Variants in STK39 observed in about 807,000 individuals in gnomAD.
STK39 encodes the protein STE20/SPS1-related proline-alanine-rich protein kinase.
A neutral mutation model predicts 77.8 loss-of-function variants in STK39; 20 were observed. The observed-to-expected ratio is 0.26, with a 90% confidence interval of 0.18 to 0.37. The LOEUF is 0.37. Ranked by LOEUF, STK39 falls within the 10% of genes least tolerant of loss-of-function variation. The pLI is 1.00. For synonymous variants in STK39, 246 were observed against 234.1 expected (o/e 1.05, Z -0.47); for missense variants, 479 against 656.5 (o/e 0.73, Z 2.95).
At chr2:168,037,476 T>C (rs762107721) in intron 14 of STK39, among the ~76,000 whole-genome samples, 3 of 152,156 alleles carry the variant, frequency 2.0e-5, no homozygotes, top group Non-Finnish European at 4.4e-5. Context: ...TAATTAGAAA[T>C]CTGACAGTTA....
chr2:168,089,159 G>C (rs1389420099), intron 10 of STK39, among the ~76,000 whole-genome samples: 1 of 152,184 alleles, frequency 6.6e-6, no homozygotes, highest in East Asian at 1.9e-4. Flanking sequence ...TTTTGTGCCT[G>C]ATTTTTCCCT....
intron 10 of STK39, among the ~76,000 whole-genome samples, chr2:168,100,856 G>A (rs559108841): frequency 6.6e-6 from 1 of 152,036 alleles, no homozygotes; most frequent in African/African-American, 2.4e-5. Context: ...CCCATTACTG[G>A]GTATATACCC....
At chr2:168,063,317 T>A (rs1404438388) in intron 14 of STK39, among the ~76,000 whole-genome samples, 183 bp downstream of exon 14, 2 of 152,246 alleles carry the variant, frequency 1.3e-5, no homozygotes, top group Admixed American at 1.3e-4. Flanking sequence ...TTTCTTACTC[T>A]TCTTTAGCAA....
chr2:168,063,212 G>C (rs1685706977), intron 14 of STK39, among the ~76,000 whole-genome samples: 1 of 151,300 alleles, frequency 6.6e-6, no homozygotes, highest in Admixed American at 6.6e-5. Flanking sequence ...AAAAGAAAAA[G>C]GAAAAGAAAA....
chr2:168,139,149 T>A (rs1260384832), intron 7 of STK39, among the ~76,000 whole-genome samples: 2 of 151,962 alleles, frequency 1.3e-5, no homozygotes, highest in Non-Finnish European at 2.9e-5. Flanking sequence ...TGAAGAAAAG[T>A]CCTAGAGGAC....
At chr2:168,203,469 A>AG (rs374896453) in intron 1 of STK39, among the ~76,000 whole-genome samples, 3 of 152,056 alleles carry the variant, frequency 2.0e-5, no homozygotes, top group Non-Finnish European at 4.4e-5. Flanking sequence ...GAAAAAAAAA[A>AG]CAGGATCATT....
At chr2:168,145,813 T>C (rs899486394) in intron 5 of STK39, among the ~76,000 whole-genome samples, 1 of 152,188 alleles carries the variant, frequency 6.6e-6, no homozygotes, top group East Asian at 1.9e-4. Context: ...AGGCAGCTGC[T>C]GGAAGTATTT....
chr2:168,058,854 T>C (rs568658386), intron 14 of STK39, among the ~76,000 whole-genome samples: 34 of 152,374 alleles, frequency 2.2e-4, no homozygotes, highest in African/African-American at 7.5e-4. Flanking sequence ...CTGTTCTCTA[T>C]AAATCAATTG....
intron 16 of STK39, among the ~76,000 whole-genome samples, chr2:167,967,342 G>A (rs1162875481): frequency 6.6e-6 from 1 of 152,130 alleles, no homozygotes; most frequent in African/African-American, 2.4e-5. Flanking sequence ...TATGCACTGA[G>A]GCCCCCAGGG....
intron 10 of STK39, chr2:168,112,782 T>TAA (rs1422318650): frequency 4.7e-4 from 72 of 152,292 alleles, no homozygotes; most frequent in African/African-American, 1.6e-3. Flanking sequence ...TAGAAAATGA[T>TAA]ATTTATACAA....
At chr2:168,087,481 G>A (rs1686399467) in intron 10 of STK39, among the ~76,000 whole-genome samples, 3 of 152,160 alleles carry the variant, frequency 2.0e-5, no homozygotes. Context: ...AATCTGGGTG[G>A]GCCTGATTCA....
chr2:168,047,605 G>T (rs540144340), intron 14 of STK39, among the ~76,000 whole-genome samples: 1 of 152,304 alleles, frequency 6.6e-6, no homozygotes, highest in East Asian at 1.9e-4. Flanking sequence ...TGGTGGGCAT[G>T]CTGGTAAATT....
At chr2:168,213,468 A>T (rs966394555) in intron 1 of STK39, among the ~76,000 whole-genome samples, 40 of 150,996 alleles carry the variant, frequency 2.6e-4, no homozygotes, top group African/African-American at 9.7e-4. Context: ...TTTTCCTATT[A>T]AAAAAAAATA....
In STK39 at chr2:168,206,842, G is replaced by A. The variant is rs116040899; in HGVS notation, c.209-24752C>T. Among the ~76,000 whole-genome samples, 808 of 152,276 alleles carry A rather than the reference G, an allele frequency of 5.3e-3. 9 individuals carry two copies. The highest frequency in any genetic ancestry group is 0.014 in the Middle Eastern group (4 of 294). ...ATTCAAAGACAGTGATCAATTTCAA[G>A]TGATTAAGGAAGAGAAAGCTCACAC... On this transcript the variant is annotated intron_variant, in intron 1 of 17. Transcript: ENST00000355999.
At chr2:168,049,484 T>C (rs1685338302) in intron 14 of STK39, among the ~76,000 whole-genome samples, 1 of 152,228 alleles carries the variant, frequency 6.6e-6, no homozygotes, top group Non-Finnish European at 1.5e-5. Flanking sequence ...ATCATTTAAA[T>C]GAGGACCTAC....
Position 168,244,421 on chromosome 2 carries a change from T to A in STK39, c.208+2807A>T, listed in dbSNP as rs182892274. Among the ~76,000 whole-genome samples, 68 of 152,320 alleles carry A rather than the reference T, an allele frequency of 4.5e-4. No individual in the cohort carries two copies. In the East Asian group the frequency reaches 0.013, roughly 28 times the overall value. ...GTTAAAACACGGTGCCTCCTTTGGT[T>A]TTCTGTTCAGGCACATCTGAGCCTC... On this transcript the variant is annotated intron_variant, in intron 1 of 17. Transcript: ENST00000355999.
chr2:168,020,273 C>T (rs1397028727), intron 14 of STK39, among the ~76,000 whole-genome samples: 1 of 152,032 alleles, frequency 6.6e-6, no homozygotes, highest in Non-Finnish European at 1.5e-5. Flanking sequence ...AATTACTTTC[C>T]TTTTCAAAAT....
At chr2:168,163,617 T>C in intron 4 of STK39, 122 bp downstream of exon 4, 2 of 1,587,396 alleles carry the variant, frequency 1.3e-6, no homozygotes, top group Non-Finnish European at 1.7e-6. Flanking sequence ...ACATCTGAAT[T>C]TAAACATCTC....
intron 1 of STK39, among the ~76,000 whole-genome samples, chr2:168,206,713 A>G (rs1689752369): frequency 6.6e-6 from 1 of 152,230 alleles, no homozygotes; most frequent in Admixed American, 6.5e-5. Context: ...TTATGGTGTT[A>G]TGGATCTAGA....
Sources: gnomAD v4.1 joint callset for allele counts (sites outside exome capture counted in the v4.1 genomes callset) on GRCh38, gnomAD v4.1.1 for gene constraint, MANE v1.5 for transcripts, NCBI Gene and HGNC (gene_info 2026-07-23, HGNC 2026-07-21) for gene names.